Variants in SUGCT observed in about 807,000 individuals in gnomAD.
SUGCT encodes succinyl-CoA:glutarate-CoA transferase.
Under a neutral mutation model 55.0 loss-of-function variants are expected in SUGCT, and 41 were observed. The observed-to-expected ratio is 0.74, with a 90% CI of 0.58 to 0.97. The LOEUF is 0.97. Among genes scored for constraint, SUGCT ranks in the 50% least tolerant of loss-of-function variants. SUGCT has a pLI of 0.00. For missense variants in SUGCT, 568 were observed against 547.8 expected, an observed-to-expected ratio of 1.04 and a Z score of -0.37; for synonymous variants, 187 against 200.4, an observed-to-expected ratio of 0.93 and a Z score of 0.56.
chr7:40,915,012 A>G, the SUGCT span, among the ~76,000 whole-genome samples: 1 of 152,204 alleles, frequency 6.6e-6, no homozygotes, highest in Non-Finnish European at 1.5e-5. Flanking sequence ...GTAATCATAA[A>G]TTAGTGCAAA....
the SUGCT span, among the ~76,000 whole-genome samples, chr7:40,865,828 G>A: frequency 6.6e-6 from 1 of 152,182 alleles, no homozygotes; most frequent in Non-Finnish European, 1.5e-5. Context: ...ATGGCCTCCA[G>A]AAGGATGGTG....
At chr7:40,519,575 C>G (rs1010547873) in intron 12 of SUGCT, among the ~76,000 whole-genome samples, 3 of 151,552 alleles carry the variant, frequency 2.0e-5, no homozygotes, top group Non-Finnish European at 4.4e-5. Context: ...AAATTCTTGG[C>G]GCCAAGAAGA....
At chr7:40,631,499 C>T (rs1198541203) in intron 12 of SUGCT, among the ~76,000 whole-genome samples, 2 of 152,186 alleles carry the variant, frequency 1.3e-5, no homozygotes, top group Admixed American at 1.3e-4. Context: ...AGCAGTTTCC[C>T]TACAAATTGG....
chr7:40,445,524 A>G (rs1017384830), intron 9 of SUGCT, among the ~76,000 whole-genome samples: 1 of 152,146 alleles, frequency 6.6e-6, no homozygotes, highest in South Asian at 2.1e-4. Context: ...CCAACCAAAA[A>G]AGTCTAGGAT....
the SUGCT span, among the ~76,000 whole-genome samples, chr7:40,911,007 G>A: frequency 6.6e-6 from 1 of 152,052 alleles, no homozygotes; most frequent in African/African-American, 2.4e-5. Context: ...CTGATAATAG[G>A]TACTAAAAAT....
At chr7:40,609,147 A>G (rs559556056) in intron 12 of SUGCT, among the ~76,000 whole-genome samples, 26 of 152,264 alleles carry the variant, frequency 1.7e-4, no homozygotes, top group African/African-American at 6.3e-4. Context: ...TTTGAGCCCT[A>G]GTATCCTTAT....
chr7:40,368,907 C>A (rs2151247074), intron 9 of SUGCT, among the ~76,000 whole-genome samples: 1 of 152,016 alleles, frequency 6.6e-6, no homozygotes, highest in East Asian at 1.9e-4. Flanking sequence ...AGTTCGAGAC[C>A]AGCCTGGCCA....
chr7:41,019,599 T>C, the SUGCT span, among the ~76,000 whole-genome samples: 1 of 152,242 alleles, frequency 6.6e-6, no homozygotes, highest in Non-Finnish European at 1.5e-5. Context: ...TTTGGATAAA[T>C]TACCATACTT....
intron 12 of SUGCT, among the ~76,000 whole-genome samples, chr7:40,620,718 A>C (rs143105806): frequency 1.4e-3 from 207 of 152,300 alleles, no homozygotes; most frequent in African/African-American, 4.8e-3. Flanking sequence ...CTCTTAACAT[A>C]GTATGGTACT....
rs532463543 is a variant in SUGCT, at chr7:40,363,745, T to C, written c.816+46890T>C. ...GCTTTACTTCCAACTATGTGGTCAA[T>C]TTTGGAATAGGTGTGGTGTGGTGCT... is the stretch of plus-strand genomic sequence containing the variant. On this transcript the variant is annotated intron_variant, in intron 9 of 13. Coordinates refer to ENST00000335693, the MANE Select transcript of SUGCT (RefSeq NM_001193313.2). Among the ~76,000 whole-genome samples the C allele has an allele frequency of 1.2e-4, 19 of 152,244 alleles. No homozygotes were observed. The South Asian group carries it at 3.9e-3, about 32-fold the overall frequency.
At chr7:40,795,176 T>G (rs1219989216) in intron 13 of SUGCT, among the ~76,000 whole-genome samples, 1 of 151,996 alleles carries the variant, frequency 6.6e-6, no homozygotes, top group East Asian at 1.9e-4. Flanking sequence ...TAGGATAACT[T>G]ATACCCCTGT....
intron 9 of SUGCT, among the ~76,000 whole-genome samples, chr7:40,434,277 A>G (rs1417074581): frequency 6.6e-6 from 1 of 152,202 alleles, no homozygotes; most frequent in East Asian, 1.9e-4. Context: ...TGTACAGAAT[A>G]CTATTCAGAT....
intron 13 of SUGCT, among the ~76,000 whole-genome samples, chr7:40,832,560 T>TG (rs1792734432): frequency 1.4e-5 from 2 of 139,458 alleles, no homozygotes; most frequent in Non-Finnish European, 3.1e-5. Flanking sequence ...AGGGTTTTTT[T>TG]TGTTTTTTTT....
chr7:40,306,868 G>A (rs1277488796), intron 8 of SUGCT, among the ~76,000 whole-genome samples: 1 of 152,144 alleles, frequency 6.6e-6, no homozygotes, highest in Non-Finnish European at 1.5e-5. Context: ...ACATGCTTTT[G>A]AAATTCTGTC....
chr7:40,502,330 G>T (rs958671158), intron 12 of SUGCT, among the ~76,000 whole-genome samples: 4 of 151,898 alleles, frequency 2.6e-5, no homozygotes, highest in Non-Finnish European at 5.9e-5. Context: ...CAAGAAAACT[G>T]AATTATACTA....
chr7:40,680,642 C>T (rs913647833), intron 12 of SUGCT, among the ~76,000 whole-genome samples: 1 of 152,150 alleles, frequency 6.6e-6, no homozygotes, highest in Admixed American at 6.5e-5. Context: ...GGAAAAAAAT[C>T]TCATATTTTA....
At chr7:40,385,115 G>A (rs977114736) in intron 9 of SUGCT, among the ~76,000 whole-genome samples, 5 of 152,112 alleles carry the variant, frequency 3.3e-5, no homozygotes, top group Admixed American at 6.6e-5. Flanking sequence ...AGTCTTATTC[G>A]TTCATATTTT....
At chr7:40,395,118 G>C (rs1477219903) in intron 9 of SUGCT, among the ~76,000 whole-genome samples, 2 of 152,158 alleles carry the variant, frequency 1.3e-5, no homozygotes, top group South Asian at 2.1e-4. Context: ...ACAGGGTGCA[G>C]TTTGCTCTGG....
At chr7:40,702,076 G>C (rs1454446408) in intron 12 of SUGCT, among the ~76,000 whole-genome samples, 3 of 152,176 alleles carry the variant, frequency 2.0e-5, no homozygotes, top group Non-Finnish European at 4.4e-5. Context: ...TTTTCTGTAA[G>C]CCCCGCCAAA....
Sources: gnomAD v4.1 joint callset for allele counts (sites outside exome capture counted in the v4.1 genomes callset) on GRCh38, gnomAD v4.1.1 for gene constraint, MANE v1.5 for transcripts, NCBI Gene and HGNC (gene_info 2026-07-23, HGNC 2026-07-21) for gene names.